The following CNTNAP2 variants were observed in gnomAD, a reference collection of about 807,000 sequenced individuals.
CNTNAP2 encodes contactin associated protein 2.
A neutral mutation model predicts 155.2 loss-of-function variants in CNTNAP2; 98 were observed. That is an observed-to-expected ratio of 0.63 (90% CI 0.54 to 0.75). The LOEUF (loss-of-function observed/expected upper bound fraction) is 0.75, where lower values mean the gene tolerates loss of function less well. Ranked by LOEUF, CNTNAP2 falls within the 30% of genes least tolerant of loss-of-function variation. CNTNAP2 has a pLI of 0.00. For missense variants in CNTNAP2, 1,727 were observed against 1,688.1 expected (o/e 1.02, Z -0.40); for synonymous variants, 651 against 631.2 (o/e 1.03, Z -0.47).
chr7:148,340,294 A>C (rs1798205703), intron 21 of CNTNAP2, among the ~76,000 whole-genome samples: 1 of 152,188 alleles, frequency 6.6e-6, no homozygotes, highest in South Asian at 2.1e-4. Flanking sequence ...CTGCAAAACA[A>C]ATTAGCCCTT....
At chr7:147,378,133 G>A (rs1043287734) in intron 9 of CNTNAP2, 9 of 342,604 alleles carry the variant, frequency 2.6e-5, no homozygotes, top group African/African-American at 4.4e-5. Context: ...TTTTTATACT[G>A]TATATTGTAG....
chr7:146,937,645 C>T (rs1343157865), intron 3 of CNTNAP2, among the ~76,000 whole-genome samples: 1 of 152,106 alleles, frequency 6.6e-6, no homozygotes, highest in Non-Finnish European at 1.5e-5. Context: ...GACACCTGCC[C>T]TGGAAACTTC....
At chr7:148,353,817 G>A (rs1331306100) in intron 21 of CNTNAP2, among the ~76,000 whole-genome samples, 1 of 152,122 alleles carries the variant, frequency 6.6e-6, no homozygotes, top group Non-Finnish European at 1.5e-5. Context: ...CATTTTTGGG[G>A]TACAAATTAT....
At chr7:147,791,997 C>A (rs1797827657) in intron 13 of CNTNAP2, among the ~76,000 whole-genome samples, 1 of 152,172 alleles carries the variant, frequency 6.6e-6, no homozygotes, top group Admixed American at 6.5e-5. Context: ...AGGTGGGTCT[C>A]CTAGTGTTTC....
At chr7:147,735,092 T>C (rs1055078271) in intron 13 of CNTNAP2, among the ~76,000 whole-genome samples, 19 of 152,146 alleles carry the variant, frequency 1.2e-4, no homozygotes, top group Non-Finnish European at 2.2e-4. Flanking sequence ...CTTGCTTCTC[T>C]AGTTCTTTTA....
At chr7:146,931,703 G>GA (rs1412026099) in intron 3 of CNTNAP2, among the ~76,000 whole-genome samples, 1 of 146,842 alleles carries the variant, frequency 6.8e-6, no homozygotes, top group Non-Finnish European at 1.5e-5. Flanking sequence ...GACTAATAAA[G>GA]AAAAAAAGAG....
At chr7:148,169,079 A>T (rs138148002) in intron 17 of CNTNAP2, among the ~76,000 whole-genome samples, 1 of 152,370 alleles carries the variant, frequency 6.6e-6, no homozygotes, top group East Asian at 1.9e-4. Flanking sequence ...ATAAAGAGTT[A>T]TTTATAACCA....
intron 4 of CNTNAP2, among the ~76,000 whole-genome samples, chr7:147,090,134 C>A (rs936685470): frequency 2.0e-5 from 3 of 152,138 alleles, no homozygotes; most frequent in Non-Finnish European, 4.4e-5. Flanking sequence ...TGTCCTAAAT[C>A]CATTCATGCA....
At chr7:147,894,830 G>A (rs866218937) in intron 13 of CNTNAP2, among the ~76,000 whole-genome samples, 20 of 151,594 alleles carry the variant, frequency 1.3e-4, no homozygotes, top group African/African-American at 3.4e-4. Context: ...GAAAATCACA[G>A]GTATGCACCT....
intron 12 of CNTNAP2, among the ~76,000 whole-genome samples, chr7:147,600,646 T>G (rs2116859258): frequency 6.6e-6 from 1 of 152,328 alleles, no homozygotes; most frequent in South Asian, 2.1e-4. Flanking sequence ...TCCCTCTCTC[T>G]TGTTGGTTGT....
intron 13 of CNTNAP2, among the ~76,000 whole-genome samples, chr7:147,891,307 C>T (rs1474145851): frequency 1.3e-5 from 2 of 151,972 alleles, no homozygotes; most frequent in African/African-American, 2.4e-5. Flanking sequence ...CGGGTTCAAG[C>T]GATTCTCCTT....
chr7:147,725,001 G>A (rs1264076913), intron 13 of CNTNAP2, among the ~76,000 whole-genome samples: 1 of 151,980 alleles, frequency 6.6e-6, no homozygotes, highest in African/African-American at 2.4e-5. Flanking sequence ...CGGCCATTCT[G>A]TCTTGTCTTT....
chr7:148,093,744 A>T (rs1290487563), intron 15 of CNTNAP2, among the ~76,000 whole-genome samples: 3 of 152,132 alleles, frequency 2.0e-5, no homozygotes, highest in African/African-American at 7.2e-5. Flanking sequence ...AAATGTATGT[A>T]TTATAGTAAG....
intron 8 of CNTNAP2, among the ~76,000 whole-genome samples, chr7:147,208,772 ATAATG>A (rs1415363647): frequency 6.6e-6 from 1 of 152,058 alleles, no homozygotes; most frequent in African/African-American, 2.4e-5. Flanking sequence ...TCAAAAAACA[ATAATG>A]TAATTTGATT....
intron 16 of CNTNAP2, among the ~76,000 whole-genome samples, chr7:148,142,173 T>A (rs1805088508): frequency 6.7e-6 from 1 of 149,584 alleles, no homozygotes; most frequent in Non-Finnish European, 1.5e-5. Context: ...GGGAGAATTG[T>A]CAGAGTGGTG....
chr7:147,600,735 TCTC>T (rs1800927666), intron 12 of CNTNAP2, among the ~76,000 whole-genome samples: 1 of 152,172 alleles, frequency 6.6e-6, no homozygotes, highest in South Asian at 2.1e-4. Context: ...TCCTTTCCCT[TCTC>T]CTCCTGCCTT....
At chr7:147,298,183 C>T (rs1029965231) in intron 8 of CNTNAP2, among the ~76,000 whole-genome samples, 30 of 152,118 alleles carry the variant, frequency 2.0e-4, no homozygotes, top group Admixed American at 2.0e-3. Context: ...AATCCCAGCA[C>T]TTTGGGAGGC....
At chr7:146,467,954 T>G (rs1456984106) in intron 1 of CNTNAP2, among the ~76,000 whole-genome samples, 1 of 152,134 alleles carries the variant, frequency 6.6e-6, no homozygotes, top group East Asian at 1.9e-4. Flanking sequence ...TCTTATTTAT[T>G]TTGGGAAAAA....
chr7:146,206,288 T>G, intron 1 of CNTNAP2, among the ~76,000 whole-genome samples: 1 of 152,014 alleles, frequency 6.6e-6, no homozygotes, highest in South Asian at 2.1e-4. Context: ...AATAAATTGC[T>G]AGAAGAAAAC....
Sources: gnomAD v4.1 joint callset for allele counts (sites outside exome capture counted in the v4.1 genomes callset) on GRCh38, gnomAD v4.1.1 for gene constraint, MANE v1.5 for transcripts, NCBI Gene and HGNC (gene_info 2026-07-23, HGNC 2026-07-21) for gene names.